RTN3: variants seen among roughly 807,000 people sequenced by gnomAD.
RTN3 encodes the protein reticulon 3.
In RTN3, 49 loss-of-function variants were observed where a neutral mutation model predicts 77.8. The observed-to-expected ratio is 0.63, with a 90% confidence interval of 0.50 to 0.80. The LOEUF is 0.80. Among genes scored for constraint, RTN3 ranks in the 30% least tolerant of loss-of-function variants. The probability of loss-of-function intolerance (pLI) is 0.00; values close to 1 mark genes in which losing one functional copy is unlikely to be tolerated. For synonymous variants in RTN3, 464 were observed against 446.9 expected (o/e 1.04, Z -0.48); for missense variants, 1,236 against 1,211.9 (o/e 1.02, Z -0.29).
intron 2 of RTN3, among the ~76,000 whole-genome samples, chr11:63,716,988 A>AAC (rs1432207738): frequency 6.7e-5 from 10 of 149,788 alleles, no homozygotes; most frequent in Admixed American, 3.3e-4. Flanking sequence ...ACAAAAAAAA[A>AAC]AAAAAAAGAA....
chr11:63,757,694 T>C (rs955489181), intron 8 of RTN3, among the ~76,000 whole-genome samples: 5 of 151,564 alleles, frequency 3.3e-5, no homozygotes, highest in African/African-American at 1.2e-4. Flanking sequence ...ACCTAACGCT[T>C]TGAATTTGTT....
chr11:63,697,447 A>C (rs530609660), intron 1 of RTN3, among the ~76,000 whole-genome samples: 1 of 149,392 alleles, frequency 6.7e-6, no homozygotes, highest in Non-Finnish European at 1.5e-5. Flanking sequence ...AGTAGCTGGG[A>C]TATGTGCCAC....
At chr11:63,732,959 G>T (rs2012800124) in intron 3 of RTN3, among the ~76,000 whole-genome samples, 1 of 152,130 alleles carries the variant, frequency 6.6e-6, no homozygotes, top group Non-Finnish European at 1.5e-5. Flanking sequence ...ATAAGATAAT[G>T]AATGCATCAA....
chr11:63,690,366 CT>C, intron 1 of RTN3, among the ~76,000 whole-genome samples: 1 of 152,108 alleles, frequency 6.6e-6, no homozygotes, highest in East Asian at 1.9e-4. Context: ...CATATGTTAC[CT>C]TAATTCAACA....
At chr11:63,700,759 T>G (rs1278282549) in intron 1 of RTN3, among the ~76,000 whole-genome samples, 1 of 152,052 alleles carries the variant, frequency 6.6e-6, no homozygotes, top group Non-Finnish European at 1.5e-5. Flanking sequence ...AAATGTTATT[T>G]TTTATTTGAT....
intron 2 of RTN3, among the ~76,000 whole-genome samples, chr11:63,713,058 G>A (rs1008189133): frequency 5.9e-5 from 9 of 152,218 alleles, no homozygotes; most frequent in Non-Finnish European, 1.2e-4. Flanking sequence ...TCACACCATT[G>A]CACTCCAGCC....
chr11:63,749,551 G>A (rs942440219), intron 3 of RTN3, among the ~76,000 whole-genome samples: 1 of 152,160 alleles, frequency 6.6e-6, no homozygotes, highest in Non-Finnish European at 1.5e-5. Context: ...TGCCACACCT[G>A]CTTTATCATC....
chr11:63,701,088 CAAA>C (rs35169888), intron 1 of RTN3, among the ~76,000 whole-genome samples: 2 of 135,484 alleles, frequency 1.5e-5, no homozygotes, highest in African/African-American at 2.8e-5. Flanking sequence ...GACTCCTTCT[CAAA>C]AAAAAAAAAA....
intron 1 of RTN3, among the ~76,000 whole-genome samples, chr11:63,700,305 T>G (rs1479280293): frequency 2.8e-5 from 1 of 35,390 alleles, no homozygotes; most frequent in Non-Finnish European, 5.6e-5. Context: ...AGGTAAGGTC[T>G]CACTCTGTTG....
intron 3 of RTN3, among the ~76,000 whole-genome samples, chr11:63,743,677 G>C (rs746859006): frequency 6.6e-5 from 10 of 152,170 alleles, no homozygotes; most frequent in Non-Finnish European, 7.3e-5. Context: ...CACTTTGGGA[G>C]GCTGAGGCGG....
At position 63,719,036 on chromosome 11, in the gene RTN3, G is replaced by T; in HGVS notation, c.534G>T (p.Glu178Asp). Reference protein sequence around the residue: ...FLSKKIGQVEEQIDKETKNPN... With the variant: ...FLSKKIGQVEDQIDKETKNPN... The stretch of plus-strand genomic sequence containing the variant: ...CAAAGAAAATTGGTCAAGTGGAAGA[G>T]CAAATAGATAAAGAGACCAAGAACC... Residue 178 changes from glutamate (E) to aspartate (D), a missense_variant, in exon 3 of 9, where the codon GAG becomes GAT. Glu to Asp is a conservative substitution (Grantham distance 45, BLOSUM62 2). Transcript: ENST00000377819. The T allele has an allele frequency of 1.2e-6, 2 of 1,614,168 alleles. No homozygotes were observed.
intron 3 of RTN3, among the ~76,000 whole-genome samples, chr11:63,749,349 C>A (rs2013978605): frequency 1.3e-5 from 2 of 152,132 alleles, no homozygotes; most frequent in African/African-American, 2.4e-5. Flanking sequence ...TTCCTGAATT[C>A]TTTTCAGATT....
chr11:63,747,938 C>CT (rs1263831456), intron 3 of RTN3, among the ~76,000 whole-genome samples: 1 of 152,152 alleles, frequency 6.6e-6, no homozygotes, highest in Non-Finnish European at 1.5e-5. Flanking sequence ...AGCCCTTGCT[C>CT]TTTTTTGAGA....
chr11:63,758,998 C>A lies in RTN3; in HGVS notation c.*797C>A. 6.6e-6 allele frequency: 1 copy of A among 152,312 alleles called. No homozygotes were observed. The highest frequency in any genetic ancestry group is 1.5e-5 in the Non-Finnish European group (1 of 68,062). 9.4% of individuals were successfully genotyped at this position (152,312 alleles called of 1,614,324 possible). ...TTCCCGAATGTGCTTTCCTCCCTCT[C>A]CCCTGCCCACCTCAAGTTTAATAAA... On this transcript the variant is annotated 3_prime_UTR_variant, in exon 9 of 9. Transcript: ENST00000377819.
At position 63,690,845 on chromosome 11, in the gene RTN3, C is replaced by T. The variant is rs184596370; in HGVS notation, c.142+9067C>T. Among the ~76,000 whole-genome samples, 414 of 152,190 alleles carry T rather than the reference C, an allele frequency of 2.7e-3. 2 individuals carry two copies. The highest frequency in any genetic ancestry group is 9.5e-3 in the African/African-American group (395 of 41,546). The stretch of plus-strand genomic sequence containing the variant: ...TCCTTGAAATGCTTTTTTAATTTGT[C>T]TTCTGTGACACCACATACTCACTCT... On this transcript the variant is annotated intron_variant, in intron 1 of 8. Transcript: ENST00000377819.
rs558773970 is a variant in RTN3 at position 63,694,173 on chromosome 11, A to G, written c.143-10678A>G. ...ATATTTGTAACCAGTTTATTAATTA[A>G]TTATGGTTTTTTTTTTTTCTGAAAT... On this transcript the variant is annotated intron_variant, in intron 1 of 8. Coordinates refer to ENST00000377819, the MANE Select transcript of RTN3 (RefSeq NM_001265589.2). Among the ~76,000 whole-genome samples, 20 of 151,578 alleles carry G rather than the reference A, an allele frequency of 1.3e-4. No individual in the cohort carries two copies. The East Asian group carries it at 3.5e-3, about 26-fold the overall frequency.
chr11:63,752,380 A>G (rs1018636091), intron 4 of RTN3, 127 bp from the exon 5 acceptor site: 3 of 824,618 alleles, frequency 3.6e-6, no homozygotes, highest in Non-Finnish European at 5.8e-6. Flanking sequence ...ACCTGATGAC[A>G]ACAAAAAAAT....
chr11:63,735,670 C>T (rs905699962), intron 3 of RTN3, among the ~76,000 whole-genome samples: 2 of 148,306 alleles, frequency 1.3e-5, no homozygotes, highest in African/African-American at 4.9e-5. Flanking sequence ...GCTAGGATTG[C>T]AGGCATATGC....
intron 3 of RTN3, among the ~76,000 whole-genome samples, chr11:63,746,774 A>G (rs2013822484): frequency 6.6e-6 from 1 of 152,134 alleles, no homozygotes; most frequent in African/African-American, 2.4e-5. Flanking sequence ...TCAACCTCCC[A>G]AAGTGCTGGG....
Sources: allele counts gnomAD v4.1 joint callset (sites outside exome capture counted in the v4.1 genomes callset), GRCh38; gene constraint gnomAD v4.1.1; transcripts MANE v1.5; gene names NCBI Gene and HGNC (gene_info 2026-07-23, HGNC 2026-07-21).